TRMT10A: variants seen among roughly 807,000 people sequenced by gnomAD.
TRMT10A encodes the protein tRNA methyltransferase 10 homolog A.
Under a neutral mutation model 40.4 loss-of-function variants are expected in TRMT10A, and 37 were observed. The observed-to-expected ratio is 0.92, with a 90% CI of 0.71 to 1.21. The LOEUF (loss-of-function observed/expected upper bound fraction) is 1.21. Among genes scored for constraint, TRMT10A ranks in the 50% most tolerant of loss-of-function variants. The pLI, the probability that TRMT10A is intolerant of heterozygous loss-of-function variation, is 0.00. For missense variants in TRMT10A, 388 were observed against 404.3 expected, an observed-to-expected ratio of 0.96 and a Z score of 0.35; for synonymous variants, 103 against 134.1, an observed-to-expected ratio of 0.77 and a Z score of 1.60.
intron 1 of TRMT10A, 106 bp downstream of exon 1, chr4:99,563,807 C>T (rs548551116): frequency 1.6e-5 from 10 of 610,004 alleles, no homozygotes; most frequent in South Asian, 7.6e-5. Flanking sequence ...GCTCCCCTCT[C>T]CCCCGGAAGC....
intron 5 of TRMT10A, among the ~76,000 whole-genome samples, chr4:99,554,278 T>C (rs1724074385): frequency 6.6e-6 from 1 of 152,220 alleles, no homozygotes; most frequent in Non-Finnish European, 1.5e-5. Flanking sequence ...TTAAAAACTC[T>C]TTCCTGAATA....
At position 99,548,723 on chromosome 4, in the gene TRMT10A, T is replaced by C. The variant is rs143697459; in HGVS notation, c.*365A>G. The C allele has an allele frequency of 5.5e-3, 925 of 167,048 alleles. 8 individuals carry two copies. The highest frequency in any genetic ancestry group is 0.019 in the African/African-American group (815 of 41,850). 10.3% of individuals were successfully genotyped at this position (167,048 alleles called of 1,614,324 possible). On this transcript the variant is annotated 3_prime_UTR_variant, in exon 8 of 8. Transcript: ENST00000394876. ...TCACAGATATATAGGCAATAGATCATAAAGATGTTGATGTGACTATAAAAT... is the reference window on the plus strand; with the variant it reads ...TCACAGATATATAGGCAATAGATCACAAAGATGTTGATGTGACTATAAAAT...
rs1328715205 is a variant in TRMT10A at position 99,555,948 on chromosome 4, A to C, written c.495+198T>G. 4.1e-4 allele frequency among the ~76,000 whole-genome samples: 62 copies of C among 152,224 alleles called. 1 individual carries two copies. Among genetic ancestry groups the C allele is most frequent in the Non-Finnish European group, 2.9e-5 (2 of 68,026 alleles). On this transcript the variant is annotated intron_variant, in intron 5 of 7. Transcript: ENST00000394876. ...TTGACCATAAAATAGGGAAGATTTA[A>C]TGAGAACAAATACAAGCTACCAGAT...
At chr4:99,562,947 C>T (rs934248411) in intron 1 of TRMT10A, among the ~76,000 whole-genome samples, 2 of 151,776 alleles carry the variant, frequency 1.3e-5, no homozygotes, top group Non-Finnish European at 2.9e-5. Context: ...TCAGCCCCCC[C>T]AGTAGCTGGG....
chr4:99,558,997 A>C (rs1453536792), intron 2 of TRMT10A, among the ~76,000 whole-genome samples, 157 bp downstream of exon 2: 1 of 152,158 alleles, frequency 6.6e-6, no homozygotes, highest in African/African-American at 2.4e-5. Context: ...TGTTAGCTTC[A>C]ATTTTCTTCT....
intron 1 of TRMT10A, 73 bp downstream of exon 1, chr4:99,563,840 C>T (rs756846044): frequency 4.5e-6 from 3 of 663,202 alleles, no homozygotes; most frequent in Non-Finnish European, 8.3e-6. Flanking sequence ...TAGGGGGCTG[C>T]ATGGCACGCG....
chr4:99,560,851 A>G (rs1361086738), intron 1 of TRMT10A, among the ~76,000 whole-genome samples: 2 of 152,172 alleles, frequency 1.3e-5, no homozygotes, highest in Admixed American at 6.5e-5. Flanking sequence ...TGAAATAATA[A>G]TATTCCAAGA....
chr4:99,562,945 C>G, intron 1 of TRMT10A, among the ~76,000 whole-genome samples: 1 of 152,158 alleles, frequency 6.6e-6, no homozygotes, highest in East Asian at 1.9e-4. Context: ...CCTCAGCCCC[C>G]CCAGTAGCTG....
intron 1 of TRMT10A, among the ~76,000 whole-genome samples, chr4:99,559,716 A>C (rs867506337): frequency 0.01 from 1,374 of 135,508 alleles, no homozygotes; most frequent in Middle Eastern, 0.022. Context: ...AAATGTGCAC[A>C]AGAGTATATG....
intron 1 of TRMT10A, among the ~76,000 whole-genome samples, chr4:99,561,596 GTA>G (rs1724399858): frequency 6.6e-6 from 1 of 152,114 alleles, no homozygotes; most frequent in Non-Finnish European, 1.5e-5. Context: ...ATTCCGTATA[GTA>G]TACTTTACAA....
intron 6 of TRMT10A, among the ~76,000 whole-genome samples, chr4:99,553,137 T>C (rs1724027817): frequency 6.6e-6 from 1 of 152,168 alleles, no homozygotes; most frequent in African/African-American, 2.4e-5. Flanking sequence ...TTGATTACAA[T>C]TTAAAAAATT....
In TRMT10A at chr4:99,559,168, T is replaced by C; in HGVS notation, c.171A>G (p.Gln57=). 6.2e-7 allele frequency: 1 copy of C among 1,612,352 alleles called. No homozygotes were observed. Among genetic ancestry groups the C allele is most frequent in the Non-Finnish European group, 8.5e-7 (1 of 1,178,970 alleles). ...GAAACACATACTTGCGGAGTTCCCGTTGCTCTTCCCATTGTTTCTGTTTTA... is the reference window on the plus strand; with the variant it reads ...GAAACACATACTTGCGGAGTTCCCGCTGCTCTTCCCATTGTTTCTGTTTTA... ...KLIKQKQWEE[Q]RELRKQKRKE... The change falls in exon 2 of 8, where the codon CAA becomes CAG. Residue 57 remains glutamine, a synonymous_variant. Coordinates refer to ENST00000394876, the MANE Select transcript of TRMT10A (RefSeq NM_001134665.3).
At chr4:99,553,655 C>T in intron 6 of TRMT10A, 130 bp downstream of exon 6, 2 of 853,876 alleles carry the variant, frequency 2.3e-6, no homozygotes, top group South Asian at 4.0e-5. Flanking sequence ...TTGCTTAGCT[C>T]AGAAGGTGAC....
chr4:99,553,550 T>G lies in TRMT10A; in HGVS notation c.645+235A>C, dbSNP rs540826158. 5.3e-5 allele frequency among the ~76,000 whole-genome samples: 8 copies of G among 152,308 alleles called. No individual in the cohort carries two copies. In the South Asian group the frequency reaches 1.7e-3, roughly 32 times the overall value. ...GTTGATTTTAGACTTAATTTCTCTG[T>G]GCCATGAATTCCTTACTTGTGGAAC... On this transcript the variant is annotated intron_variant, in intron 6 of 7. Transcript: ENST00000394876.
chr4:99,556,306 G>C (rs368388888), intron 4 of TRMT10A, 86 bp from the exon 5 acceptor site: 3 of 1,176,518 alleles, frequency 2.5e-6, no homozygotes, highest in Non-Finnish European at 3.6e-6. Context: ...CTTATCTGAC[G>C]ATCAATGAAA....
chr4:99,558,578 T>C (rs886682808), intron 2 of TRMT10A, among the ~76,000 whole-genome samples: 2 of 152,128 alleles, frequency 1.3e-5, no homozygotes, highest in Non-Finnish European at 1.5e-5. Flanking sequence ...ATTTATAAGG[T>C]ATAGAAAAAA....
chr4:99,560,634 G>C (rs1724351127), intron 1 of TRMT10A, among the ~76,000 whole-genome samples: 1 of 152,018 alleles, frequency 6.6e-6, no homozygotes, highest in African/African-American at 2.4e-5. Flanking sequence ...AGAAACTGGA[G>C]GTGGGGAAAC....
In TRMT10A at chr4:99,549,259, T is replaced by G; in HGVS notation, c.849A>C (p.Lys283Asn). ...TGTCATGAGAAGCACTTTCACAGGCTTTGTCTGTGGGAACAGCTCCTTTCC... is the reference window on the plus strand; with the variant it reads ...TGTCATGAGAAGCACTTTCACAGGCGTTGTCTGTGGGAACAGCTCCTTTCC... ...PQRKGAVPTD[K>N]ACESASHDNQ... The change falls in exon 8 of 8, where the codon AAA becomes AAC. Residue 283 changes from lysine to asparagine, a missense_variant. Transcript: ENST00000394876. 6.2e-7 allele frequency: 1 copy of G among 1,614,154 alleles called. No individual in the cohort carries two copies. Among genetic ancestry groups the G allele is most frequent in the Non-Finnish European group, 8.5e-7 (1 of 1,180,004 alleles).
chr4:99,550,023 G>T (rs1009206841), intron 7 of TRMT10A, among the ~76,000 whole-genome samples: 1 of 151,958 alleles, frequency 6.6e-6, no homozygotes, highest in Non-Finnish European at 1.5e-5. Context: ...CTAAAAACTC[G>T]GCTTAAAAAT....
Sources: gnomAD v4.1 joint callset for allele counts (sites outside exome capture counted in the v4.1 genomes callset) on GRCh38, gnomAD v4.1.1 for gene constraint, MANE v1.5 for transcripts, NCBI Gene and HGNC (gene_info 2026-07-23, HGNC 2026-07-21) for gene names.